SYNPR: variants seen among roughly 807,000 people sequenced by gnomAD.
The protein encoded by SYNPR is synaptoporin.
In SYNPR, 23 loss-of-function variants were observed where a neutral mutation model predicts 32.9. The observed-to-expected ratio is 0.70, with a 90% CI of 0.50 to 0.99. The LOEUF is 0.99. Ranked by LOEUF, SYNPR falls within the 50% of genes least tolerant of loss-of-function variation. The probability of loss-of-function intolerance (pLI) is 0.00; values close to 1 mark genes in which losing one functional copy is unlikely to be tolerated. For missense variants in SYNPR, 318 were observed against 349.3 expected (o/e 0.91, Z 0.71); for synonymous variants, 146 against 135.9 (o/e 1.07, Z -0.52).
At chr3:63,358,478 C>T (rs62251369) in intron 2 of SYNPR, among the ~76,000 whole-genome samples, 20,137 of 152,154 alleles carry the variant, frequency 0.13, 1,561 homozygotes, top group Middle Eastern at 0.17. Context: ...CCTGGATAAG[C>T]CAGAATCATC....
chr3:63,578,853 C>T (rs868511488), intron 4 of SYNPR, among the ~76,000 whole-genome samples: 5 of 152,156 alleles, frequency 3.3e-5, no homozygotes, highest in Non-Finnish European at 7.4e-5. Context: ...ATATGCTCAA[C>T]TGGTAGAGTT....
At chr3:63,311,491 T>A (rs1200238522) in intron 2 of SYNPR, among the ~76,000 whole-genome samples, 1 of 151,994 alleles carries the variant, frequency 6.6e-6, no homozygotes, top group African/African-American at 2.4e-5. Flanking sequence ...TTGTGAACTG[T>A]GCAAGTGAGG....
rs550945432 is a variant in SYNPR, at chr3:63,373,812, T to A, written c.84+95070T>A. On this transcript the variant is annotated intron_variant, in intron 2 of 5. Transcript: ENST00000478300. ...AAGGTTGAAATGAAAGAAAAAAAAA[T>A]GTTAAAGGCAGCTAGAGAGAAGGGG... 4.6e-5 allele frequency among the ~76,000 whole-genome samples: 7 copies of A among 151,470 alleles called. No individual in the cohort carries two copies. In the East Asian group the frequency reaches 1.4e-3, roughly 29 times the overall value.
chr3:63,444,668 G>C (rs1242914449), intron 2 of SYNPR, among the ~76,000 whole-genome samples: 1 of 151,992 alleles, frequency 6.6e-6, no homozygotes, highest in Non-Finnish European at 1.5e-5. Context: ...GTAGTCTTAT[G>C]ACAGCTCAGA....
At chr3:63,485,858 T>TA (rs1307563474) in intron 3 of SYNPR, among the ~76,000 whole-genome samples, 2 of 152,176 alleles carry the variant, frequency 1.3e-5, no homozygotes, top group Non-Finnish European at 2.9e-5. Flanking sequence ...AGATTTACAA[T>TA]AAAAAATAAA....
chr3:63,501,624 G>T (rs1575678610), intron 3 of SYNPR, among the ~76,000 whole-genome samples: 1 of 152,074 alleles, frequency 6.6e-6, no homozygotes, highest in Non-Finnish European at 1.5e-5. Context: ...ATGAGCCTTT[G>T]CTATCATCAT....
At chr3:63,259,401 A>G (rs1344183125) in intron 2 of SYNPR, among the ~76,000 whole-genome samples, 1 of 152,186 alleles carries the variant, frequency 6.6e-6, no homozygotes, top group African/African-American at 2.4e-5. Flanking sequence ...CATCCCTGGG[A>G]TGCAAGGCTG....
intron 2 of SYNPR, among the ~76,000 whole-genome samples, chr3:63,444,567 G>C (rs1007364936): frequency 3.3e-5 from 5 of 152,170 alleles, no homozygotes; most frequent in African/African-American, 1.2e-4. Context: ...ACATTTTTCA[G>C]AGATTTCGAG....
chr3:63,615,039 T>A (rs1341448654), intron 5 of SYNPR, among the ~76,000 whole-genome samples, 185 bp from the exon 6 acceptor site: 1 of 152,168 alleles, frequency 6.6e-6, no homozygotes, highest in Non-Finnish European at 1.5e-5. Flanking sequence ...GTGCCTGACA[T>A]GTAGTGCGTC....
intron 2 of SYNPR, among the ~76,000 whole-genome samples, chr3:63,358,399 A>C (rs2087612349): frequency 6.6e-6 from 1 of 152,154 alleles, no homozygotes; most frequent in South Asian, 2.1e-4. Context: ...TGCTTTTGTC[A>C]TCACATCCCC....
At chr3:63,509,913 G>A (rs183602157) in intron 3 of SYNPR, among the ~76,000 whole-genome samples, 264 of 152,062 alleles carry the variant, frequency 1.7e-3, no homozygotes, top group Non-Finnish European at 2.9e-3. Flanking sequence ...ACTAGTATGC[G>A]AGATAGAATT....
At chr3:63,515,687 CT>C (rs1056252478) in intron 3 of SYNPR, among the ~76,000 whole-genome samples, 2 of 151,702 alleles carry the variant, frequency 1.3e-5, no homozygotes, top group African/African-American at 4.9e-5. Flanking sequence ...TTTAATGACT[CT>C]GTTTTTATTA....
intron 2 of SYNPR, among the ~76,000 whole-genome samples, chr3:63,477,331 G>T (rs1215766771): frequency 6.6e-6 from 1 of 152,160 alleles, no homozygotes; most frequent in Non-Finnish European, 1.5e-5. Flanking sequence ...AGAAGGATCT[G>T]ACTCTTCCAG....
intron 2 of SYNPR, among the ~76,000 whole-genome samples, chr3:63,460,572 CAAAAAAAAAAAAA>C (rs11390803): frequency 4.4e-5 from 2 of 45,710 alleles, no homozygotes; most frequent in African/African-American, 1.8e-4. Context: ...ATTGGTAGAC[CAAAAAAAAAAAAA>C]AAAAAAAAAA....
chr3:63,227,664 A>G (rs1252129126), upstream of SYNPR, among the ~76,000 whole-genome samples: 7 of 152,318 alleles, frequency 4.6e-5, no homozygotes, highest in Middle Eastern at 6.8e-3. Flanking sequence ...TGCTCTATCT[A>G]CAGGTATTTC....
chr3:63,482,893 A>G (rs1701075212), intron 3 of SYNPR, among the ~76,000 whole-genome samples: 1 of 152,200 alleles, frequency 6.6e-6, no homozygotes, highest in Non-Finnish European at 1.5e-5. Flanking sequence ...TTATGAAGAC[A>G]TTTGTTTCAG....
intron 4 of SYNPR, among the ~76,000 whole-genome samples, chr3:63,607,291 AAAGCATGAATGAATG>A (rs1157440807): frequency 6.6e-6 from 1 of 152,224 alleles, no homozygotes; most frequent in Admixed American, 6.5e-5. Flanking sequence ...TATTTGAATA[AAAGCATGAATGAATG>A]AAGGTACCAG....
intron 2 of SYNPR, among the ~76,000 whole-genome samples, chr3:63,441,645 T>A (rs1700178160): frequency 6.6e-6 from 1 of 152,174 alleles, no homozygotes; most frequent in African/African-American, 2.4e-5. Context: ...CTTCTCTCAT[T>A]GAAGTGCAGA....
chr3:63,206,538 G>C, the SYNPR span, among the ~76,000 whole-genome samples: 1 of 152,046 alleles, frequency 6.6e-6, no homozygotes, highest in Non-Finnish European at 1.5e-5. Context: ...TCCAGCCTGG[G>C]TGACAGAGTG....
Sources: allele counts gnomAD v4.1 joint callset (sites outside exome capture counted in the v4.1 genomes callset), GRCh38; gene constraint gnomAD v4.1.1; transcripts MANE v1.5; gene names NCBI Gene and HGNC (gene_info 2026-07-23, HGNC 2026-07-21).